Variants in CLXN observed in about 807,000 individuals in gnomAD.
CLXN encodes the protein EF-hand calcium binding domain 1.
chr8:48,735,118 T>G, the CLXN span: 13 of 1,614,048 alleles, frequency 8.1e-6, no homozygotes, highest in African/African-American at 1.3e-5. Context: ...TTGGTTAAGG[T>G]GTCCGTCAGC....
chr8:48,718,204 G>A, the CLXN span, among the ~76,000 whole-genome samples: 1 of 152,088 alleles, frequency 6.6e-6, no homozygotes, highest in Non-Finnish European at 1.5e-5. Flanking sequence ...TCAGATAAAA[G>A]AAGTATTAAG....
At chr8:48,729,191 T>G in the CLXN span, 2 of 1,425,942 alleles carry the variant, frequency 1.4e-6, no homozygotes. Context: ...AAATGATTAC[T>G]GCAAATACAT....
chr8:48,713,905 A>G, the CLXN span: 10 of 152,260 alleles, frequency 6.6e-5, no homozygotes, highest in East Asian at 1.7e-3. Flanking sequence ...CCCAAATAGA[A>G]TTTCTTCATG....
chr8:48,725,676 T>C, the CLXN span, among the ~76,000 whole-genome samples: 1 of 152,042 alleles, frequency 6.6e-6, no homozygotes, highest in Non-Finnish European at 1.5e-5. Context: ...TGGTGGCGCA[T>C]GCCTCTAATC....
At chr8:48,720,760 A>T in the CLXN span, among the ~76,000 whole-genome samples, 1 of 152,046 alleles carries the variant, frequency 6.6e-6, no homozygotes, top group Non-Finnish European at 1.5e-5. Context: ...CTATTCTTAC[A>T]GCCCCTCCCC....
At chr8:48,735,271 T>A in the CLXN span, 4 of 1,146,672 alleles carry the variant, frequency 3.5e-6, no homozygotes, top group South Asian at 4.0e-5. Context: ...CAGTTACTGA[T>A]CTCGTGCGCG....
chr8:48,728,321 A>G, the CLXN span, among the ~76,000 whole-genome samples: 1 of 152,162 alleles, frequency 6.6e-6, no homozygotes, highest in African/African-American at 2.4e-5. Flanking sequence ...TTGTGCATAC[A>G]TCACCCATTG....
the CLXN span, chr8:48,735,105 T>G: frequency 6.2e-7 from 1 of 1,613,990 alleles, no homozygotes; most frequent in Non-Finnish European, 8.5e-7. Flanking sequence ...ATGCTTGCAA[T>G]TTTTGGTTAA....
At chr8:48,729,522 C>CAAAAAA in the CLXN span, among the ~76,000 whole-genome samples, 1 of 120,454 alleles carries the variant, frequency 8.3e-6, no homozygotes. Context: ...GACCCTGTCT[C>CAAAAAA]AAAAAAAAAA....
At chr8:48,729,623 A>G in the CLXN span, 4 of 1,165,488 alleles carry the variant, frequency 3.4e-6, no homozygotes, top group Non-Finnish European at 1.2e-6. Context: ...TATTTAAGCA[A>G]GCAGAGAACT....
the CLXN span, among the ~76,000 whole-genome samples, chr8:48,717,242 A>G: frequency 4.6e-5 from 7 of 152,214 alleles, no homozygotes; most frequent in Non-Finnish European, 7.4e-5. Context: ...TTATAATCAA[A>G]TTGTCAGAAG....
At chr8:48,723,308 T>C in the CLXN span, 1 of 152,204 alleles carries the variant, frequency 6.6e-6, no homozygotes, top group Non-Finnish European at 1.5e-5. Context: ...AGAAAAGCAT[T>C]GTGTTGCATT....
At chr8:48,726,385 C>T in the CLXN span, among the ~76,000 whole-genome samples, 1 of 150,520 alleles carries the variant, frequency 6.6e-6, no homozygotes, top group East Asian at 2.0e-4. Flanking sequence ...TCCATCTATT[C>T]ACCTACCTCA....
chr8:48,714,037 C>G, the CLXN span: 1 of 152,232 alleles, frequency 6.6e-6, no homozygotes, highest in Non-Finnish European at 1.5e-5. Context: ...GGAAGGCTAT[C>G]GCTAATCCTC....
chr8:48,730,394 T>C, the CLXN span: 1 of 504,364 alleles, frequency 2.0e-6, no homozygotes, highest in Non-Finnish European at 3.5e-6. Context: ...TTGAATTCAT[T>C]CCATAAAATA....
At chr8:48,724,594 C>T in the CLXN span, 1 of 571,656 alleles carries the variant, frequency 1.7e-6, no homozygotes, top group Non-Finnish European at 3.0e-6. Flanking sequence ...GCATCTTACA[C>T]TGATGTTAAA....
the CLXN span, among the ~76,000 whole-genome samples, chr8:48,727,410 A>G: frequency 6.6e-6 from 1 of 152,204 alleles, no homozygotes; most frequent in South Asian, 2.1e-4. Flanking sequence ...AAAAGAAAGA[A>G]AGAAGGGCTG....
the CLXN span, among the ~76,000 whole-genome samples, chr8:48,734,851 G>C: frequency 6.6e-6 from 1 of 152,216 alleles, no homozygotes; most frequent in South Asian, 2.1e-4. Flanking sequence ...GCAAGTAAAT[G>C]CATGTGTGGG....
At chr8:48,726,190 T>A in the CLXN span, among the ~76,000 whole-genome samples, 1 of 120,214 alleles carries the variant, frequency 8.3e-6, no homozygotes, top group Admixed American at 8.7e-5. Flanking sequence ...CATCCACTCA[T>A]CCATCCATCT....
Sources: allele counts gnomAD v4.1 joint callset (sites outside exome capture counted in the v4.1 genomes callset), GRCh38; gene constraint gnomAD v4.1.1; transcripts MANE v1.5; gene names NCBI Gene and HGNC (gene_info 2026-07-23, HGNC 2026-07-21).